TRPM3: variants seen among roughly 807,000 people sequenced by gnomAD.
The protein encoded by TRPM3 is long transient receptor potential channel 3.
Under a neutral mutation model 181.2 loss-of-function variants are expected in TRPM3, and 77 were observed. The observed-to-expected ratio is 0.42, with a 90% CI of 0.35 to 0.51. TRPM3 has a LOEUF of 0.51. Among genes scored for constraint, TRPM3 ranks in the 20% least tolerant of loss-of-function variants. The pLI is 0.01. For synonymous variants in TRPM3, 745 were observed against 796.4 expected, an observed-to-expected ratio of 0.94 and a Z score of 1.09; for missense variants, 1,759 against 2,196.7, an observed-to-expected ratio of 0.80 and a Z score of 3.98.
rs1309019819 is a variant in TRPM3 at position 71,133,996 on chromosome 9, TGTGTGTGTGTGTGTGTGTGCGCGTGCGC to T, written c.184-269513_184-269486del. On this transcript the variant is annotated intron_variant, in intron 1 of 24. Transcript: ENST00000357533. ...GTTTGTGTGTGTGTGTGTGTGTGTG[TGTGTGTGTGTGTGTGTGTGCGCGTGCGC>T]GCGCGCGCGTGTCTGTGTTTGCATC... Among the ~76,000 whole-genome samples, 43 of 144,052 alleles carry T rather than the reference TGTGTGTGTGTGTGTGTGTGCGCGTGCGC, an allele frequency of 3.0e-4. No individual in the cohort carries two copies. In the South Asian group the frequency reaches 6.6e-3, roughly 22 times the overall value. The allele number at this position is 144,052 out of a possible 152,430, so 94.5% of individuals were successfully genotyped here.
chr9:70,576,882 T>A (rs2054162576), intron 22 of TRPM3, among the ~76,000 whole-genome samples: 1 of 152,170 alleles, frequency 6.6e-6, no homozygotes, highest in Admixed American at 6.5e-5. Flanking sequence ...ATCCAGACCA[T>A]TCCTACCACA....
At chr9:70,792,763 C>G (rs936532247) in intron 6 of TRPM3, among the ~76,000 whole-genome samples, 3 of 151,904 alleles carry the variant, frequency 2.0e-5, no homozygotes, top group Admixed American at 1.3e-4. Context: ...CAGAGAGTCC[C>G]CTATTCACCA....
intron 1 of TRPM3, among the ~76,000 whole-genome samples, chr9:71,337,851 G>A (rs529396526): frequency 8.2e-4 from 125 of 152,078 alleles, no homozygotes; most frequent in Non-Finnish European, 1.3e-3. Flanking sequence ...CAAACACCAC[G>A]TGTTCTCACT....
At chr9:71,159,883 T>C (rs930489781) in intron 1 of TRPM3, among the ~76,000 whole-genome samples, 1 of 152,172 alleles carries the variant, frequency 6.6e-6, no homozygotes, top group African/African-American at 2.4e-5. Context: ...GGAAAACATT[T>C]ACTCCATATT....
At chr9:71,023,701 TAAA>T (rs201859225) in intron 1 of TRPM3, among the ~76,000 whole-genome samples, 7 of 125,858 alleles carry the variant, frequency 5.6e-5, no homozygotes, top group Non-Finnish European at 8.6e-5. Flanking sequence ...TGATGCTGAG[TAAA>T]AAAAAAAAAA....
chr9:70,549,480 C>T (rs535991544), intron 25 of TRPM3, 62 bp downstream of exon 25: 9 of 1,536,160 alleles, frequency 5.9e-6, no homozygotes, highest in Middle Eastern at 3.5e-4. Flanking sequence ...TGAATAAATT[C>T]GATGGATAAA....
chr9:70,755,450 A>C (rs965085695), intron 8 of TRPM3, among the ~76,000 whole-genome samples: 3 of 151,462 alleles, frequency 2.0e-5, no homozygotes, highest in Non-Finnish European at 4.4e-5. Flanking sequence ...GGCTCACTGC[A>C]ACCTCTGCCT....
At chr9:70,937,539 A>G (rs1197134617) in intron 1 of TRPM3, among the ~76,000 whole-genome samples, 1 of 152,240 alleles carries the variant, frequency 6.6e-6, no homozygotes, top group Non-Finnish European at 1.5e-5. Flanking sequence ...AAATTTTATT[A>G]TGGGCAAAAT....
intron 1 of TRPM3, among the ~76,000 whole-genome samples, chr9:71,212,993 T>C (rs2079602384): frequency 6.6e-6 from 1 of 152,084 alleles, no homozygotes; most frequent in Non-Finnish European, 1.5e-5. Flanking sequence ...ACAAAACAAA[T>C]AATATACTTA....
intron 1 of TRPM3, among the ~76,000 whole-genome samples, chr9:71,131,566 ATGTT>A (rs755002244): frequency 4.6e-5 from 7 of 152,198 alleles, no homozygotes; most frequent in Non-Finnish European, 8.8e-5. Flanking sequence ...TGAACTAGCC[ATGTT>A]TGTTATAATC....
chr9:70,603,829 A>T (rs771215046), intron 19 of TRPM3, among the ~76,000 whole-genome samples: 5 of 152,136 alleles, frequency 3.3e-5, no homozygotes, highest in Non-Finnish European at 7.4e-5. Context: ...CGTGGACCTT[A>T]GGTTCTTAAA....
chr9:70,922,428 C>T (rs1053081990), intron 1 of TRPM3, among the ~76,000 whole-genome samples: 6 of 152,094 alleles, frequency 3.9e-5, no homozygotes, highest in African/African-American at 1.4e-4. Flanking sequence ...ATATCCTAAA[C>T]ATTATTGAAT....
At chr9:71,033,936 C>T (rs532803643) in intron 1 of TRPM3, among the ~76,000 whole-genome samples, 12 of 152,140 alleles carry the variant, frequency 7.9e-5, no homozygotes, top group African/African-American at 1.9e-4. Context: ...TCACATACAC[C>T]GACACTCACT....
At chr9:70,886,579 G>A (rs1345835533) in intron 1 of TRPM3, among the ~76,000 whole-genome samples, 1 of 152,200 alleles carries the variant, frequency 6.6e-6, no homozygotes, top group Non-Finnish European at 1.5e-5. Context: ...GGTGAAGTAA[G>A]GACTGCTGAG....
At chr9:71,195,831 A>G (rs2078317013) in intron 1 of TRPM3, among the ~76,000 whole-genome samples, 1 of 152,052 alleles carries the variant, frequency 6.6e-6, no homozygotes, top group Non-Finnish European at 1.5e-5. Context: ...GCTAAGGGCC[A>G]TTATCCTTAG....
At chr9:70,761,372 A>G in intron 8 of TRPM3, 1 of 666,456 alleles carries the variant, frequency 1.5e-6, no homozygotes. Context: ...ATGAGCTCCA[A>G]AAGGAAATGA....
rs148328074 is a variant in TRPM3 at position 70,960,164 on chromosome 9, A to G, written c.178-95653T>C. Among the ~76,000 whole-genome samples, 358 of 151,496 alleles carry G rather than the reference A, an allele frequency of 2.4e-3. 2 individuals are homozygous for G. The highest frequency in any genetic ancestry group is 4.2e-3 in the Non-Finnish European group (285 of 67,908). On this transcript the variant is annotated intron_variant, in intron 1 of 25. Coordinates refer to ENST00000677713, the MANE Select transcript of TRPM3 (RefSeq NM_001366145.2). The stretch of plus-strand genomic sequence containing the variant: ...AACACCTGTGTGGAGACATAGCTAC[A>G]GTTAATTCCAATAAAGTAAGTGTCT...
At chr9:71,198,216 G>A (rs2078523899) in intron 1 of TRPM3, among the ~76,000 whole-genome samples, 1 of 152,062 alleles carries the variant, frequency 6.6e-6, no homozygotes, top group South Asian at 2.1e-4. Context: ...GCTCTGTTCT[G>A]TTCCATTGAT....
At chr9:70,850,250 C>T (rs1369819505) in intron 3 of TRPM3, among the ~76,000 whole-genome samples, 1 of 152,104 alleles carries the variant, frequency 6.6e-6, no homozygotes, top group Non-Finnish European at 1.5e-5. Context: ...TATCTATCAA[C>T]AGAAATTTTC....
Sources: gnomAD v4.1 joint callset for allele counts (sites outside exome capture counted in the v4.1 genomes callset) on GRCh38, gnomAD v4.1.1 for gene constraint, MANE v1.5 for transcripts, NCBI Gene and HGNC (gene_info 2026-07-23, HGNC 2026-07-21) for gene names.